Variants in ZSWIM5 observed in about 807,000 individuals in gnomAD.
The protein encoded by ZSWIM5 is zinc finger SWIM domain-containing protein 5.
A neutral mutation model predicts 119.6 loss-of-function variants in ZSWIM5; 55 were observed. The observed-to-expected ratio is 0.46, with a 90% CI of 0.37 to 0.58. The LOEUF is 0.58. ZSWIM5 is among the 20% of genes least tolerant of loss of function. The pLI is 0.00. For synonymous variants in ZSWIM5, 537 were observed against 606.9 expected (o/e 0.88, Z 1.69); for missense variants, 1,193 against 1,512.8 (o/e 0.79, Z 3.51).
At chr1:45,112,712 C>T (rs2149024079) in intron 1 of ZSWIM5, among the ~76,000 whole-genome samples, 1 of 152,286 alleles carries the variant, frequency 6.6e-6, no homozygotes, top group African/African-American at 2.4e-5. Flanking sequence ...ACTACTATGC[C>T]TATGGAATTG....
At chr1:45,071,220 C>T (rs112553263) in intron 2 of ZSWIM5, among the ~76,000 whole-genome samples, 3,139 of 152,144 alleles carry the variant, frequency 0.021, 117 homozygotes, top group African/African-American at 0.072. Flanking sequence ...CTTTTTCATT[C>T]TAACTATGTT....
chr1:45,089,186 G>T (rs1645349103), intron 1 of ZSWIM5, among the ~76,000 whole-genome samples: 2 of 152,116 alleles, frequency 1.3e-5, no homozygotes, highest in South Asian at 4.1e-4. Context: ...TTACCATGTT[G>T]CCCAGGCTGG....
In ZSWIM5 at chr1:45,100,050, C is replaced by A. The variant is rs572432896; in HGVS notation, c.596-11813G>T. Among the ~76,000 whole-genome samples the A allele has an allele frequency of 2.6e-5, 4 of 152,154 alleles. No individual in the cohort carries two copies. The East Asian group carries it at 7.7e-4, about 29-fold the overall frequency. On this transcript the variant is annotated intron_variant, in intron 1 of 13. Coordinates refer to ENST00000359600, the MANE Select transcript of ZSWIM5 (RefSeq NM_020883.2). ...ATAGTATTGGAAGTTCTGGCCAGGGCAATCAGGCAAGAGAAAGAAATAAAG... is the reference window on the plus strand; with the variant it reads ...ATAGTATTGGAAGTTCTGGCCAGGGAAATCAGGCAAGAGAAAGAAATAAAG...
At chr1:45,195,582 G>T (rs905475475) in intron 1 of ZSWIM5, among the ~76,000 whole-genome samples, 1 of 152,062 alleles carries the variant, frequency 6.6e-6, no homozygotes, top group Non-Finnish European at 1.5e-5. Context: ...CAAACATGAA[G>T]AAAATTATAG....
intron 4 of ZSWIM5, among the ~76,000 whole-genome samples, chr1:45,053,787 T>G: frequency 9.1e-6 from 1 of 109,920 alleles, no homozygotes; most frequent in South Asian, 3.0e-4. Flanking sequence ...AAAAAAAGGA[T>G]CCCTAGAAAG....
At chr1:45,043,613 A>C (rs1372604691) in intron 5 of ZSWIM5, among the ~76,000 whole-genome samples, 1 of 152,160 alleles carries the variant, frequency 6.6e-6, no homozygotes, top group Non-Finnish European at 1.5e-5. Context: ...ATAAGCTTTC[A>C]GTGTGTGTGT....
intron 1 of ZSWIM5, among the ~76,000 whole-genome samples, chr1:45,099,201 G>A (rs346731): frequency 0.33 from 50,589 of 151,842 alleles, 9,623 homozygotes; most frequent in African/African-American, 0.53. Context: ...ACACAATAAA[G>A]AATGATAAAA....
chr1:45,105,057 T>C (rs945385660), intron 1 of ZSWIM5, among the ~76,000 whole-genome samples: 2 of 152,216 alleles, frequency 1.3e-5, no homozygotes, highest in African/African-American at 4.8e-5. Flanking sequence ...GCTCCGGTGA[T>C]TCTCCTGCCT....
chr1:45,155,208 A>G (rs1000400311), intron 1 of ZSWIM5, among the ~76,000 whole-genome samples: 3 of 152,160 alleles, frequency 2.0e-5, no homozygotes, highest in African/African-American at 7.2e-5. Flanking sequence ...ATCCCATCAA[A>G]AAGTGGGCTA....
intron 4 of ZSWIM5, among the ~76,000 whole-genome samples, chr1:45,054,975 G>A (rs978037979): frequency 6.6e-6 from 1 of 151,858 alleles, no homozygotes; most frequent in African/African-American, 2.4e-5. Flanking sequence ...ACAGGCACCT[G>A]CCACCATGCC....
At position 45,206,297 on chromosome 1, in the gene ZSWIM5, C is replaced by G. The variant is rs541052542; in HGVS notation, c.54G>C (p.Pro18=). The change falls in exon 1 of 14, where the codon CCG becomes CCC. Residue 18 remains proline (P), a synonymous_variant. Transcript: ENST00000359600. ...TGGGCCACGAACACTGCCGCTTAGC[C>G]GGAGAGACCGGTGACGGCGAGAGCA... The part of the protein sequence containing the change: ...EELLSPSPVS[P]AKRQCSWPSP... 26 of 1,557,238 alleles carry G rather than the reference C, an allele frequency of 1.7e-5. No individual in the cohort carries two copies. The highest frequency in any genetic ancestry group is 2.7e-5 in the African/African-American group (2 of 73,302).
intron 4 of ZSWIM5, among the ~76,000 whole-genome samples, chr1:45,054,536 C>T (rs993375818): frequency 1.3e-5 from 2 of 151,914 alleles, no homozygotes; most frequent in African/African-American, 4.8e-5. Context: ...GAGCTGAGAT[C>T]GCACCACTGC....
chr1:45,055,031 G>T (rs376122222), intron 4 of ZSWIM5, among the ~76,000 whole-genome samples: 4 of 151,724 alleles, frequency 2.6e-5, no homozygotes, highest in Admixed American at 2.6e-4. Flanking sequence ...TCATTGTGTC[G>T]CCTAGGCTGG....
rs1644863897 is a variant in ZSWIM5 at position 45,017,763 on chromosome 1, T to G, written c.*691A>C. On this transcript the variant is annotated 3_prime_UTR_variant, in exon 14 of 14. Transcript: ENST00000359600. ...AGGAGCTTCAATGTCCTCACAGTTTTGTGAGGCAAAAGTCTAAGTCCAGTC... is the reference window on the plus strand; with the variant it reads ...AGGAGCTTCAATGTCCTCACAGTTTGGTGAGGCAAAAGTCTAAGTCCAGTC... The G allele has an allele frequency of 6.6e-6, 1 of 152,302 alleles. No individual in the cohort carries two copies. Among genetic ancestry groups the G allele is most frequent in the Admixed American group, 6.5e-5 (1 of 15,286 alleles). 9.4% of individuals were successfully genotyped at this position (152,302 alleles called of 1,614,324 possible). A position where few individuals can be genotyped will look rare whatever the true frequency, so the allele number is the denominator to read the frequency against.
At chr1:45,114,724 T>C (rs1570113834) in intron 1 of ZSWIM5, among the ~76,000 whole-genome samples, 1 of 151,166 alleles carries the variant, frequency 6.6e-6, no homozygotes, top group East Asian at 2.0e-4. Flanking sequence ...AGGACAATAG[T>C]GGAGGGAAGG....
At position 45,045,714 on chromosome 1, in the gene ZSWIM5, C is replaced by G. The variant is rs72887100; in HGVS notation, c.1433-2319G>C. ...CAATATATTTTTAAATTGATTAAAT[C>G]AGCAAATAATTTCTGCCTACTATAC... is the stretch of plus-strand genomic sequence containing the variant. On this transcript the variant is annotated intron_variant, in intron 5 of 13. Transcript: ENST00000359600. 6.5e-3 allele frequency among the ~76,000 whole-genome samples: 990 copies of G among 152,256 alleles called. 11 individuals are homozygous for G. The highest frequency in any genetic ancestry group is 0.023 in the African/African-American group (946 of 41,560).
chr1:45,108,048 G>A (rs1194687059), intron 1 of ZSWIM5, among the ~76,000 whole-genome samples: 5 of 152,000 alleles, frequency 3.3e-5, no homozygotes, highest in Non-Finnish European at 5.9e-5. Context: ...CTCCTGCCTC[G>A]GCCTCCCAAA....
Position 45,088,007 on chromosome 1 carries a change from T to C in ZSWIM5, c.826A>G (p.Asn276Asp), listed in dbSNP as rs368886307. 2 of 1,614,220 alleles carry C rather than the reference T, an allele frequency of 1.2e-6. No individual in the cohort carries two copies. Among genetic ancestry groups the C allele is most frequent in the Non-Finnish European group, 1.7e-6 (2 of 1,180,036 alleles). Residue 276 changes from asparagine to aspartate, a missense_variant, in exon 2 of 14, where the codon AAT becomes GAT. Physicochemically the swap from Asn to Asp is conservative, Grantham distance 23. Around this residue, in one of 2 missense-constraint regions of ZSWIM5, gnomAD observed 961 missense variants for 1,290.0 expected, o/e 0.74. Transcript: ENST00000359600. This position sits in a 1 kb window ranked among gnomAD's most constrained non-coding sequence, Gnocchi z 4.2. ...LPISETLFQM[N>D]RDQLQKFIQY... ...ATAAACTTTTGTAGCTGGTCCCTATTCATCTGGAAAAGGGTTTCGGAGATA... is the reference window on the plus strand; with the variant it reads ...ATAAACTTTTGTAGCTGGTCCCTATCCATCTGGAAAAGGGTTTCGGAGATA...
chr1:45,041,567 C>T (rs531729037), intron 6 of ZSWIM5, among the ~76,000 whole-genome samples: 50 of 148,194 alleles, frequency 3.4e-4, no homozygotes, highest in South Asian at 3.0e-3. Context: ...GATGGAGTCT[C>T]ACTCTGTCAC....
Sources: gnomAD v4.1 joint callset for allele counts (sites outside exome capture counted in the v4.1 genomes callset) on GRCh38, gnomAD v4.1.1 for gene constraint, gnomAD v4.1.1 regional missense constraint, Gnocchi (gnomAD v3.1) non-coding constraint, MANE v1.5 for transcripts, NCBI Gene and HGNC (gene_info 2026-07-23, HGNC 2026-07-21) for gene names.